TPM1: variants seen among roughly 807,000 people sequenced by gnomAD.
The protein encoded by TPM1 is tropomyosin alpha-1 chain.
In TPM1, 24 loss-of-function variants were observed where a neutral mutation model predicts 42.9. That is an observed-to-expected ratio of 0.56 (90% CI 0.41 to 0.79). The LOEUF (loss-of-function observed/expected upper bound fraction) is 0.79. Among genes scored for constraint, TPM1 ranks in the 30% least tolerant of loss-of-function variants. The pLI is 0.00. For synonymous variants in TPM1, 136 were observed against 130.1 expected, an observed-to-expected ratio of 1.05 and a Z score of -0.31; for missense variants, 158 against 351.8, an observed-to-expected ratio of 0.45 and a Z score of 4.41.
chr15:63,044,203 C>T (rs966617736), intron 2 of TPM1, 51 bp downstream of exon 2: 1 of 1,613,746 alleles, frequency 6.2e-7, no homozygotes, highest in African/African-American at 1.3e-5. Context: ...CGTGGCCACT[C>T]CGGGGTCACC....
At chr15:63,070,019 T>G (rs1595697391), downstream of TPM1, 1 of 1,606,972 alleles carries the variant, frequency 6.2e-7, no homozygotes, top group Non-Finnish European at 8.5e-7. Context: ...TGTCCTACCT[T>G]CAACTAATAG....
At chr15:63,070,709 C>T, downstream of TPM1, 1 of 1,047,258 alleles carries the variant, frequency 9.5e-7, no homozygotes, top group South Asian at 3.4e-5. Flanking sequence ...CTGCCTGTAC[C>T]TTGGAAATGT....
At chr15:63,055,573 CTG>C (rs1421485236) in intron 2 of TPM1, among the ~76,000 whole-genome samples, 1 of 152,178 alleles carries the variant, frequency 6.6e-6, no homozygotes, top group African/African-American at 2.4e-5. Context: ...GTGCAGAGAA[CTG>C]TGAGTTCTCT....
chr15:63,048,385 T>G, intron 2 of TPM1: 5 of 1,339,662 alleles, frequency 3.7e-6, no homozygotes, highest in African/African-American at 1.6e-5. Flanking sequence ...CCGCCTGCGG[T>G]TTGTCTGCGC....
At chr15:63,059,538 T>G (rs372457309) in intron 3 of TPM1, 25 bp from the exon 4 acceptor site, 11 of 1,591,800 alleles carry the variant, frequency 6.9e-6, no homozygotes, top group Non-Finnish European at 8.6e-6. Flanking sequence ...AAATCTTGGG[T>G]TTTCTTGCTT....
At chr15:63,048,786 C>A in intron 2 of TPM1, 1 of 1,495,750 alleles carries the variant, frequency 6.7e-7, no homozygotes, top group Non-Finnish European at 8.9e-7. Flanking sequence ...TCCTGCTTCC[C>A]CCCCCGCAGG....
chr15:63,071,652 G>A (rs1362379214), exon 9 of TPM1: 2 of 195,600 alleles, frequency 1.0e-5, no homozygotes, highest in Non-Finnish European at 2.1e-5. Context: ...TATGGATCCC[G>A]CATGCCTGAA....
rs917900989 is a variant in TPM1, at chr15:63,051,898, T to G, written c.241-5087T>G. Among the ~76,000 whole-genome samples, 37 of 151,778 alleles carry G rather than the reference T, an allele frequency of 2.4e-4. 1 individual carries two copies. Among genetic ancestry groups the G allele is most frequent in the Admixed American group, 1.7e-3 (26 of 15,270 alleles). On this transcript the variant is annotated intron_variant, in intron 2 of 9. Transcript: ENST00000403994. ...ATCTAGGCCTCATAAAAGTTGTTTT[T>G]TTTTTTTTTTTTCAAATCTGATTTG...
intron 5 of TPM1, 49 bp from the exon 6 acceptor site, chr15:63,061,664 T>C (rs776758977): frequency 1.3e-6 from 2 of 1,564,646 alleles, no homozygotes; most frequent in South Asian, 2.2e-5. Context: ...TCTCTCCTCC[T>C]TCCTTTGGCT....
At chr15:63,048,895 T>G in intron 2 of TPM1, 1 of 747,130 alleles carries the variant, frequency 1.3e-6, no homozygotes, top group Non-Finnish European at 2.3e-6. Flanking sequence ...CTCCTGAGCC[T>G]TTGTTTTCCA....
Position 63,048,794 on chromosome 15 carries a change from A to C in TPM1, c.240+4642A>C, listed in dbSNP as rs571957126. 10,969 of 1,376,488 alleles carry C rather than the reference A, an allele frequency of 8.0e-3. 54 individuals carry two copies. The highest frequency in any genetic ancestry group is 9.4e-3 in the Non-Finnish European group (9,611 of 1,021,064). The allele number at this position is 1,376,488 out of a possible 1,614,324, so 85.3% of individuals were successfully genotyped here. On this transcript the variant is annotated intron_variant, in intron 2 of 9. Transcript: ENST00000403994. Reference sequence around the variant, plus strand: ...AGGGCCCTCCTGCTTCCCCCCCCGCAGGCCCCGGTCCCTCGTCCCCACGCC... The same window carrying C: ...AGGGCCCTCCTGCTTCCCCCCCCGCCGGCCCCGGTCCCTCGTCCCCACGCC...
chr15:63,052,949 G>A (rs2034172179), intron 2 of TPM1, among the ~76,000 whole-genome samples: 1 of 152,000 alleles, frequency 6.6e-6, no homozygotes, highest in South Asian at 2.1e-4. Flanking sequence ...ATTCTACTAG[G>A]CCAGTATAAT....
chr15:63,043,669 G>C, intron 1 of TPM1: 1 of 1,538,266 alleles, frequency 6.5e-7, no homozygotes, highest in Non-Finnish European at 8.7e-7. Flanking sequence ...CACCCGGTCC[G>C]TGCCGGCCGC....
intron 3 of TPM1, among the ~76,000 whole-genome samples, chr15:63,057,997 C>T (rs951850152): frequency 6.6e-6 from 1 of 152,198 alleles, no homozygotes; most frequent in Admixed American, 6.5e-5. Flanking sequence ...CCATTTCTTA[C>T]TCTTTGAAGT....
chr15:63,063,414 C>T (rs1359878288), intron 8 of TPM1: 4 of 978,444 alleles, frequency 4.1e-6, no homozygotes, highest in Non-Finnish European at 4.9e-6. Context: ...ATTACAAAAA[C>T]TAAGTTGCAG....
chr15:63,059,959 C>T (rs980049110), intron 4 of TPM1: 6 of 356,944 alleles, frequency 1.7e-5, no homozygotes, highest in South Asian at 2.2e-5. Context: ...GATCTTTGGC[C>T]GGAAGGGAGA....
At chr15:63,057,515 A>G (rs1042553027) in intron 3 of TPM1, among the ~76,000 whole-genome samples, 11 of 152,256 alleles carry the variant, frequency 7.2e-5, no homozygotes, top group Admixed American at 6.5e-4. Flanking sequence ...CTTAGGTGTA[A>G]ATAAAGGAAC....
Position 63,056,980 on chromosome 15 carries a change from C to T in TPM1, c.241-5C>T. On this transcript the variant is annotated splice_region_variant and splice_polypyrimidine_tract_variant and intron_variant, in intron 2 of 9. Coordinates refer to ENST00000403994, the MANE Select transcript of TPM1 (RefSeq NM_001018005.2). ...ACTCTGAAATGCTTTTCACTCTCTA[C>T]CTAGGCTGAAGCCGACGTAGCTTCT... 1 of 1,614,156 alleles carries T rather than the reference C, an allele frequency of 6.2e-7. No individual in the cohort carries two copies. Among genetic ancestry groups the T allele is most frequent in the African/African-American group, 1.3e-5 (1 of 75,054 alleles).
chr15:63,060,760 G>A, intron 4 of TPM1, 109 bp from the exon 5 acceptor site: 1 of 1,203,362 alleles, frequency 8.3e-7, no homozygotes, highest in Non-Finnish European at 1.2e-6. Flanking sequence ...CATATTGTTT[G>A]TAGACAAAAC....
Sources: allele counts gnomAD v4.1 joint callset (sites outside exome capture counted in the v4.1 genomes callset), GRCh38; gene constraint gnomAD v4.1.1; transcripts MANE v1.5; gene names NCBI Gene and HGNC (gene_info 2026-07-23, HGNC 2026-07-21).